LHFPL3: variants seen among roughly 807,000 people sequenced by gnomAD.
LHFPL3 encodes the protein LHFPL tetraspan subfamily member 3 protein.
A neutral mutation model predicts 19.3 loss-of-function variants in LHFPL3; 5 were observed. The observed-to-expected ratio is 0.26, with a 90% CI of 0.14 to 0.54. The LOEUF (loss-of-function observed/expected upper bound fraction) is 0.54, where lower values mean the gene tolerates loss of function less well. LHFPL3 is among the 20% of genes least tolerant of loss of function. The probability of loss-of-function intolerance (pLI) is 0.94; values close to 1 mark genes in which losing one functional copy is unlikely to be tolerated. For synonymous variants in LHFPL3, 133 were observed against 126.2 expected (o/e 1.05, Z -0.36); for missense variants, 249 against 307.4 (o/e 0.81, Z 1.42).
At chr7:104,620,269 C>T (rs923208593) in intron 1 of LHFPL3, among the ~76,000 whole-genome samples, 7 of 152,290 alleles carry the variant, frequency 4.6e-5, no homozygotes, top group African/African-American at 1.7e-4. Flanking sequence ...TCAGAGGGCA[C>T]TGAGAGGTCT....
intron 2 of LHFPL3, among the ~76,000 whole-genome samples, chr7:104,819,730 A>T (rs1394901389): frequency 6.6e-6 from 1 of 152,154 alleles, no homozygotes; most frequent in African/African-American, 2.4e-5. Flanking sequence ...CAGTCGCTTT[A>T]TATTGGAGCT....
At chr7:104,392,690 G>T (rs1049140621) in intron 1 of LHFPL3, among the ~76,000 whole-genome samples, 7 of 152,132 alleles carry the variant, frequency 4.6e-5, no homozygotes, top group Non-Finnish European at 7.3e-5. Flanking sequence ...TCAGGATGAT[G>T]CTGGCCTCAT....
At chr7:104,391,173 A>T (rs1791059441) in intron 1 of LHFPL3, among the ~76,000 whole-genome samples, 2 of 152,254 alleles carry the variant, frequency 1.3e-5, no homozygotes, top group South Asian at 4.1e-4. Context: ...TGCTATGCAG[A>T]AGCTCTTTAG....
At chr7:104,483,363 C>T (rs568304400) in intron 1 of LHFPL3, among the ~76,000 whole-genome samples, 3 of 152,296 alleles carry the variant, frequency 2.0e-5, no homozygotes, top group East Asian at 1.9e-4. Context: ...TATTCTAATT[C>T]ACCATTTTAT....
intron 2 of LHFPL3, among the ~76,000 whole-genome samples, chr7:104,890,329 C>T (rs1792220698): frequency 6.6e-6 from 1 of 152,166 alleles, no homozygotes. Flanking sequence ...GGAGATTCTC[C>T]TGCTCTATAC....
At chr7:104,829,544 T>C (rs1184179126) in intron 2 of LHFPL3, among the ~76,000 whole-genome samples, 1 of 151,684 alleles carries the variant, frequency 6.6e-6, no homozygotes, top group African/African-American at 2.4e-5. Context: ...GGTGTTCTCA[T>C]TGTTCAGTTC....
chr7:104,668,507 C>A (rs1584470753), intron 1 of LHFPL3: 1 of 1,613,098 alleles, frequency 6.2e-7, no homozygotes, highest in Admixed American at 1.7e-5. Context: ...GCCGGGATCG[C>A]TATGATGACC....
intron 1 of LHFPL3, among the ~76,000 whole-genome samples, chr7:104,611,363 A>G (rs1469263041): frequency 6.6e-6 from 1 of 152,228 alleles, no homozygotes; most frequent in East Asian, 1.9e-4. Flanking sequence ...CAACCTTCCT[A>G]TTGCTAGAAG....
chr7:104,380,176 G>A (rs2188494), intron 1 of LHFPL3, among the ~76,000 whole-genome samples: 51,205 of 151,902 alleles, frequency 0.34, 9,020 homozygotes, highest in Admixed American at 0.48. Flanking sequence ...GTGCAAAATG[G>A]GGCTATAACA....
At chr7:104,431,440 T>C (rs1792001396) in intron 1 of LHFPL3, among the ~76,000 whole-genome samples, 1 of 152,228 alleles carries the variant, frequency 6.6e-6, no homozygotes, top group Non-Finnish European at 1.5e-5. Flanking sequence ...CTGAATTGTT[T>C]TGAGTCATAT....
chr7:104,617,382 G>A (rs921469719), intron 1 of LHFPL3, among the ~76,000 whole-genome samples: 3 of 152,012 alleles, frequency 2.0e-5, no homozygotes, highest in African/African-American at 7.3e-5. Context: ...GCCAGTACCA[G>A]CCTGTGGTTA....
At chr7:104,607,542 A>G (rs796792722) in intron 1 of LHFPL3, among the ~76,000 whole-genome samples, 13 of 152,332 alleles carry the variant, frequency 8.5e-5, no homozygotes, top group African/African-American at 3.1e-4. Flanking sequence ...GAGTAAGTCC[A>G]GGAAGACCGA....
At chr7:104,687,525 T>TC (rs1792829320) in intron 1 of LHFPL3, among the ~76,000 whole-genome samples, 1 of 152,152 alleles carries the variant, frequency 6.6e-6, no homozygotes, top group Admixed American at 6.5e-5. Context: ...CCAGTGACCC[T>TC]CCCCTACCGT....
At chr7:104,437,713 G>T (rs942880354) in intron 1 of LHFPL3, among the ~76,000 whole-genome samples, 1 of 152,088 alleles carries the variant, frequency 6.6e-6, no homozygotes, top group African/African-American at 2.4e-5. Flanking sequence ...ACTCAGAAAC[G>T]TATAGGGCTG....
intron 2 of LHFPL3, among the ~76,000 whole-genome samples, chr7:104,794,817 GT>G (rs1165711104): frequency 6.6e-6 from 1 of 152,216 alleles, no homozygotes; most frequent in Non-Finnish European, 1.5e-5. Context: ...AAAGACCAAG[GT>G]CTGGGTTGGA....
At chr7:104,533,649 A>G (rs1794343491) in intron 1 of LHFPL3, among the ~76,000 whole-genome samples, 1 of 152,150 alleles carries the variant, frequency 6.6e-6, no homozygotes, top group African/African-American at 2.4e-5. Context: ...GGCACACAAA[A>G]TCAGTGCCTA....
rs185223596 is a variant in LHFPL3 at position 104,716,857 on chromosome 7, T to C, written c.446-19818T>C. Among the ~76,000 whole-genome samples, 7 of 152,258 alleles carry C rather than the reference T, an allele frequency of 4.6e-5. 1 individual carries two copies. Among genetic ancestry groups the C allele is most frequent in the Admixed American group, 4.6e-4 (7 of 15,284 alleles). ...ATTCACATGGAACCATGAAGGACCCTGAATAGCCAAATCAATATTAAGAAA... is the reference window on the plus strand; with the variant it reads ...ATTCACATGGAACCATGAAGGACCCCGAATAGCCAAATCAATATTAAGAAA... On this transcript the variant is annotated intron_variant, in intron 1 of 2. Coordinates refer to ENST00000424859, the MANE Select transcript of LHFPL3 (RefSeq NM_199000.3).
intron 2 of LHFPL3, among the ~76,000 whole-genome samples, chr7:104,885,520 T>C (rs1489135399): frequency 6.6e-6 from 1 of 152,122 alleles, no homozygotes; most frequent in East Asian, 1.9e-4. Context: ...GAGTTTTCTC[T>C]CAGATACACA....
At chr7:104,523,657 C>T (rs1794125398) in intron 1 of LHFPL3, among the ~76,000 whole-genome samples, 2 of 152,262 alleles carry the variant, frequency 1.3e-5, no homozygotes, top group Middle Eastern at 6.8e-3. Flanking sequence ...ATACATGATG[C>T]ATGCACATGC....
Sources: allele counts gnomAD v4.1 joint callset (sites outside exome capture counted in the v4.1 genomes callset), GRCh38; gene constraint gnomAD v4.1.1; transcripts MANE v1.5; gene names NCBI Gene and HGNC (gene_info 2026-07-23, HGNC 2026-07-21).